Variants in RNLS observed in about 807,000 individuals in gnomAD.
RNLS encodes the protein renalase.
RNLS carries 39 observed loss-of-function variants against 39.8 expected under a neutral mutation model. That is an observed-to-expected ratio of 0.98 (90% CI 0.76 to 1.28). RNLS has a LOEUF of 1.28. Ranked by LOEUF, RNLS falls within the 50% of genes most tolerant of loss-of-function variation. RNLS has a pLI of 0.00. For missense variants in RNLS, 410 were observed against 413.3 expected (o/e 0.99, Z 0.07); for synonymous variants, 147 against 150.7 (o/e 0.98, Z 0.18).
intron 6 of RNLS, among the ~76,000 whole-genome samples, chr10:88,311,886 T>C (rs1318136010): frequency 1.3e-5 from 2 of 152,180 alleles, no homozygotes; most frequent in African/African-American, 2.4e-5. Context: ...TCAGAAACTG[T>C]CCCCACACAA....
At chr10:88,479,555 T>C (rs1461463833) in intron 4 of RNLS, among the ~76,000 whole-genome samples, 2 of 151,982 alleles carry the variant, frequency 1.3e-5, no homozygotes, top group African/African-American at 4.8e-5. Flanking sequence ...TTTAGAAATA[T>C]CAGTATCATC....
At chr10:88,274,894 T>C in exon 7 of RNLS, 1 of 1,144,262 alleles carries the variant, frequency 8.7e-7, no homozygotes, top group Non-Finnish European at 1.3e-6. Context: ...TCCTAAAGGC[T>C]GTGAAGTGGT....
the RNLS span, among the ~76,000 whole-genome samples, chr10:88,259,961 C>T: frequency 7.9e-5 from 12 of 152,054 alleles, no homozygotes; most frequent in South Asian, 2.1e-4. Flanking sequence ...AGGATGGTCT[C>T]GATTTCTTGA....
intron 4 of RNLS, among the ~76,000 whole-genome samples, chr10:88,443,691 C>G (rs527961451): frequency 6.6e-6 from 1 of 152,364 alleles, no homozygotes; most frequent in South Asian, 2.1e-4. Context: ...TTGGAGGGTC[C>G]CATGCCCACA....
chr10:88,284,244 G>C lies in RNLS; in HGVS notation c.*1110C>G. On this transcript the variant is annotated 3_prime_UTR_variant, in exon 7 of 7. Coordinates refer to ENST00000331772, the MANE Select transcript of RNLS (RefSeq NM_001031709.3). ...TGTATGTATGACAGTGGACATGTAA[G>C]TGTGAAACTTTAAACACTATTACAG... is the stretch of plus-strand genomic sequence containing the variant. The C allele has an allele frequency of 1.0e-6, 1 of 985,370 alleles. No homozygotes were observed. Among genetic ancestry groups the C allele is most frequent in the Non-Finnish European group, 1.2e-6 (1 of 829,894 alleles). The allele number at this position is 985,370 out of a possible 1,614,324, so 61.0% of individuals were successfully genotyped here. A position where few individuals can be genotyped will look rare whatever the true frequency, so the allele number is the denominator to read the frequency against.
chr10:88,210,656 C>T, the RNLS span, among the ~76,000 whole-genome samples: 1 of 152,126 alleles, frequency 6.6e-6, no homozygotes, highest in African/African-American at 2.4e-5. Context: ...ATCTTAAGGA[C>T]TAGCTCTGCC....
chr10:88,515,257 T>C (rs1197585629), intron 4 of RNLS, among the ~76,000 whole-genome samples: 2 of 152,114 alleles, frequency 1.3e-5, no homozygotes, highest in Non-Finnish European at 2.9e-5. Context: ...TATTTTTATA[T>C]AAATTTATTT....
chr10:88,428,905 G>A (rs562997280), intron 4 of RNLS, among the ~76,000 whole-genome samples: 2 of 152,060 alleles, frequency 1.3e-5, no homozygotes, highest in South Asian at 4.1e-4. Context: ...ATTCAAGATG[G>A]AAAGGGCAGT....
chr10:88,240,205 G>C, the RNLS span, among the ~76,000 whole-genome samples: 12 of 151,950 alleles, frequency 7.9e-5, no homozygotes, highest in African/African-American at 2.7e-4. Flanking sequence ...CTTACCTTCT[G>C]TGATTCTGGC....
chr10:88,272,283 T>C (rs780806724), downstream of RNLS, among the ~76,000 whole-genome samples: 1 of 152,218 alleles, frequency 6.6e-6, no homozygotes, highest in Non-Finnish European at 1.5e-5. Context: ...AGTTACTGTT[T>C]CCATGTGTCA....
chr10:88,195,694 A>C, the RNLS span, among the ~76,000 whole-genome samples: 1 of 152,232 alleles, frequency 6.6e-6, no homozygotes, highest in African/African-American at 2.4e-5. Context: ...GAACTGAAAT[A>C]GTTAGCACTG....
At chr10:88,533,641 C>T (rs1009039828) in intron 4 of RNLS, among the ~76,000 whole-genome samples, 12 of 152,104 alleles carry the variant, frequency 7.9e-5, no homozygotes, top group Admixed American at 5.9e-4. Context: ...ATTTGACTAA[C>T]GATAGGCAGA....
chr10:88,262,611 TATA>T, the RNLS span, among the ~76,000 whole-genome samples: 1 of 152,178 alleles, frequency 6.6e-6, no homozygotes, highest in Admixed American at 6.5e-5. Context: ...ACTAAAGAAG[TATA>T]ATACCTATGA....
At chr10:88,438,662 T>G (rs763419644) in intron 4 of RNLS, among the ~76,000 whole-genome samples, 2 of 152,176 alleles carry the variant, frequency 1.3e-5, no homozygotes, top group African/African-American at 4.8e-5. Context: ...TTTGGGTGAA[T>G]GTTTCACCCC....
At chr10:88,306,636 C>T (rs766788038) in intron 6 of RNLS, among the ~76,000 whole-genome samples, 4 of 152,070 alleles carry the variant, frequency 2.6e-5, no homozygotes, top group African/African-American at 4.8e-5. Context: ...CAGGAAGAAA[C>T]GGATTTCCTG....
intron 4 of RNLS, among the ~76,000 whole-genome samples, chr10:88,565,852 C>T (rs866871510): frequency 3.4e-5 from 5 of 148,952 alleles, no homozygotes; most frequent in South Asian, 2.1e-4. Flanking sequence ...CAGGTTCAAG[C>T]GATTCTCCTG....
intron 4 of RNLS, among the ~76,000 whole-genome samples, chr10:88,404,467 T>C (rs953112930): frequency 6.6e-6 from 1 of 152,066 alleles, no homozygotes; most frequent in Non-Finnish European, 1.5e-5. Flanking sequence ...AAAAGTACTA[T>C]GGGATTTTCC....
At chr10:88,563,244 C>T (rs1849290758) in intron 4 of RNLS, among the ~76,000 whole-genome samples, 1 of 151,982 alleles carries the variant, frequency 6.6e-6, no homozygotes, top group Non-Finnish European at 1.5e-5. Flanking sequence ...AATAGATTAG[C>T]TAAGAAAAAA....
chr10:88,380,437 G>T (rs552140854), intron 4 of RNLS, among the ~76,000 whole-genome samples: 1 of 135,000 alleles, frequency 7.4e-6, no homozygotes, highest in East Asian at 2.3e-4. Flanking sequence ...GTGCAGTGGC[G>T]TGATCTCCGC....
Sources: allele counts gnomAD v4.1 joint callset (sites outside exome capture counted in the v4.1 genomes callset), GRCh38; gene constraint gnomAD v4.1.1; transcripts MANE v1.5; gene names NCBI Gene and HGNC (gene_info 2026-07-23, HGNC 2026-07-21).